Variants in TFCP2 observed in about 807,000 individuals in gnomAD.
TFCP2 encodes transcription factor CP2.
A neutral mutation model predicts 73.4 loss-of-function variants in TFCP2; 33 were observed. The observed-to-expected ratio is 0.45, with a 90% confidence interval of 0.34 to 0.60. TFCP2 has a LOEUF of 0.60. Among genes scored for constraint, TFCP2 ranks in the 20% least tolerant of loss-of-function variants. TFCP2 has a pLI of 0.01. For missense variants in TFCP2, 352 were observed against 604.0 expected, an observed-to-expected ratio of 0.58 and a Z score of 4.37; for synonymous variants, 193 against 211.6, an observed-to-expected ratio of 0.91 and a Z score of 0.76.
At chr12:51,139,591 T>G (rs146476285) in intron 1 of TFCP2, among the ~76,000 whole-genome samples, 309 of 152,218 alleles carry the variant, frequency 2.0e-3, no homozygotes, top group African/African-American at 7.1e-3. Context: ...TTGCCCAGAC[T>G]GGTGCTGAAC....
chr12:51,120,191 A>G (rs968588025), intron 1 of TFCP2, among the ~76,000 whole-genome samples: 1 of 150,682 alleles, frequency 6.6e-6, no homozygotes, highest in African/African-American at 2.4e-5. Flanking sequence ...AAAAAAAAAA[A>G]AAAAAAAAAA....
intron 1 of TFCP2, among the ~76,000 whole-genome samples, chr12:51,145,087 G>A (rs996440090): frequency 6.6e-6 from 1 of 151,452 alleles, no homozygotes; most frequent in African/African-American, 2.4e-5. Context: ...TGTATTCCTA[G>A]CTACTTGGGA....
intron 2 of TFCP2, among the ~76,000 whole-genome samples, chr12:51,118,159 T>A (rs961390269): frequency 1.3e-5 from 2 of 152,206 alleles, no homozygotes; most frequent in South Asian, 4.1e-4. Flanking sequence ...TAGTAATAGA[T>A]ATCAAGTATG....
chr12:51,128,274 A>T (rs1014311945), intron 1 of TFCP2, among the ~76,000 whole-genome samples: 1 of 152,060 alleles, frequency 6.6e-6, no homozygotes, highest in African/African-American at 2.4e-5. Context: ...CTTATACCAG[A>T]GTTGATGTGA....
intron 1 of TFCP2, among the ~76,000 whole-genome samples, chr12:51,149,588 A>T (rs540386035): frequency 3.1e-4 from 47 of 152,124 alleles, no homozygotes; most frequent in African/African-American, 1.1e-3. Flanking sequence ...TGTTAGATAA[A>T]TTTTTTCTTA....
intron 1 of TFCP2, among the ~76,000 whole-genome samples, chr12:51,152,140 A>T (rs1331319006): frequency 6.6e-6 from 1 of 152,188 alleles, no homozygotes; most frequent in African/African-American, 2.4e-5. Context: ...CCTACCACTC[A>T]AGTAACACTG....
rs539572762 is a variant in TFCP2, at chr12:51,099,773, C to T, written c.1158G>A (p.Val386=). The part of the protein sequence containing the change: ...RLFNALKGRM[V]RPRLTIYVCQ... ...AAACATAAATGGTTAACCTTGGACG[C>T]ACCATCCTAAGGGGAGGAAAAAGGC... The change falls in exon 12 of 15, where the codon GTG becomes GTA. Residue 386 remains valine (V), a synonymous_variant. Coordinates refer to ENST00000257915, the MANE Select transcript of TFCP2 (RefSeq NM_005653.5). 6.2e-7 allele frequency: 1 copy of T among 1,614,120 alleles called. No homozygotes were observed. The highest frequency in any genetic ancestry group is 2.2e-5 in the East Asian group (1 of 44,876).
At chr12:51,140,445 C>CTTTTTTTTTTTTTTTTTTTTTTTTTT (rs768526922) in intron 1 of TFCP2, among the ~76,000 whole-genome samples, 11 of 88,036 alleles carry the variant, frequency 1.2e-4, no homozygotes, top group South Asian at 4.6e-4. Flanking sequence ...TTTTCTTTTT[C>CTTTTTTTTTTTTTTTTTTTTTTTTTT]TTTTTTTTTT....
intron 1 of TFCP2, among the ~76,000 whole-genome samples, chr12:51,146,718 C>T (rs1006737684): frequency 6.6e-5 from 10 of 152,286 alleles, no homozygotes; most frequent in African/African-American, 2.4e-4. Context: ...AAATCTTACC[C>T]TTCTTTCAGA....
At chr12:51,159,195 G>GA (rs56728137) in intron 1 of TFCP2, among the ~76,000 whole-genome samples, 66 of 135,552 alleles carry the variant, frequency 4.9e-4, no homozygotes, top group South Asian at 9.7e-4. Context: ...AAAAGAAAAA[G>GA]AAAAAAAAAA....
At chr12:51,166,294 A>G (rs1941757347) in intron 1 of TFCP2, among the ~76,000 whole-genome samples, 3 of 151,976 alleles carry the variant, frequency 2.0e-5, no homozygotes. Flanking sequence ...CCTGGGCAAC[A>G]AGATCGAAAA....
At chr12:51,140,450 T>TC (rs570590604) in intron 1 of TFCP2, among the ~76,000 whole-genome samples, 9 of 136,734 alleles carry the variant, frequency 6.6e-5, no homozygotes, top group East Asian at 2.1e-4. Context: ...TTTTTCTTTT[T>TC]TTTTTTTTTT....
At chr12:51,164,374 A>G (rs1941709870) in intron 1 of TFCP2, among the ~76,000 whole-genome samples, 1 of 152,144 alleles carries the variant, frequency 6.6e-6, no homozygotes. Flanking sequence ...CGAGGCGGGC[A>G]GATCACAAGG....
Position 51,172,348 on chromosome 12 carries a change from G to A in TFCP2, c.75C>T (p.Ser25=). Residue 25 remains serine (S), a synonymous_variant, in exon 1 of 15, where the codon AGC becomes AGT. Transcript: ENST00000257915. ...ESGLVQDFDA[S]LSGIGQELGA... is the part of the protein sequence containing the mutation. ...CCAGTTCCTGGCCGATCCCGGACAG[G>A]CTAGCATCAAAGTCCTGCACCAACC... is the stretch of plus-strand genomic sequence containing the variant. The A allele has an allele frequency of 6.2e-7, 1 of 1,614,148 alleles. No homozygotes were observed. The highest frequency in any genetic ancestry group is 8.5e-7 in the Non-Finnish European group (1 of 1,180,020).
At chr12:51,171,088 G>GA (rs1446931765) in intron 1 of TFCP2, among the ~76,000 whole-genome samples, 2 of 152,132 alleles carry the variant, frequency 1.3e-5, no homozygotes, top group Admixed American at 1.3e-4. Flanking sequence ...TTATCAGAAT[G>GA]AAAAATGCAT....
intron 1 of TFCP2, among the ~76,000 whole-genome samples, chr12:51,167,907 A>C (rs1294692499): frequency 6.6e-6 from 1 of 152,024 alleles, no homozygotes. Flanking sequence ...CAAAAAGTAG[A>C]AAAACTGGCC....
At chr12:51,095,406 T>G in intron 14 of TFCP2, 128 bp from the exon 15 acceptor site, 1 of 953,976 alleles carries the variant, frequency 1.0e-6, no homozygotes, top group South Asian at 1.3e-5. Context: ...TGAGCTGAGA[T>G]CACGCCACTG....
At chr12:51,108,010 C>T (rs1162177127) in intron 6 of TFCP2, among the ~76,000 whole-genome samples, 6 of 151,672 alleles carry the variant, frequency 4.0e-5, no homozygotes, top group South Asian at 2.1e-4. Flanking sequence ...AAGAGCTGGG[C>T]GCAGTGGCTC....
At chr12:51,162,403 G>A (rs764487850) in intron 1 of TFCP2, among the ~76,000 whole-genome samples, 4 of 149,032 alleles carry the variant, frequency 2.7e-5, no homozygotes, top group East Asian at 2.0e-4. Context: ...CCAAAATGGC[G>A]CCACTGCACT....
Sources: allele counts gnomAD v4.1 joint callset (sites outside exome capture counted in the v4.1 genomes callset), GRCh38; gene constraint gnomAD v4.1.1; transcripts MANE v1.5; gene names NCBI Gene and HGNC (gene_info 2026-07-23, HGNC 2026-07-21).